Variants in BTBD9 observed in about 807,000 individuals in gnomAD.
BTBD9 encodes BTB domain containing 9, also known as BTB/POZ domain-containing protein 9.
A neutral mutation model predicts 64.3 loss-of-function variants in BTBD9; 49 were observed. The observed-to-expected ratio is 0.76, with a 90% CI of 0.61 to 0.97. The LOEUF (loss-of-function observed/expected upper bound fraction) is 0.97, where lower values mean the gene tolerates loss of function less well. BTBD9 is among the 50% of genes least tolerant of loss of function. BTBD9 has a pLI of 0.00. For missense variants in BTBD9, 598 were observed against 762.1 expected (o/e 0.78, Z 2.53); for synonymous variants, 260 against 274.7 (o/e 0.95, Z 0.53).
intron 8 of BTBD9, among the ~76,000 whole-genome samples, chr6:38,262,364 A>G (rs1764822396): frequency 6.6e-6 from 1 of 152,172 alleles, no homozygotes; most frequent in Non-Finnish European, 1.5e-5. Context: ...AAACCTCTCT[A>G]ACTAATGAGC....
chr6:38,299,814 T>G (rs1401266038), intron 7 of BTBD9, among the ~76,000 whole-genome samples: 2 of 152,232 alleles, frequency 1.3e-5, no homozygotes, highest in African/African-American at 2.4e-5. Flanking sequence ...GGTTGCCTGT[T>G]CACTCTGATG....
intron 6 of BTBD9, among the ~76,000 whole-genome samples, chr6:38,576,734 A>T (rs935397828): frequency 2.0e-5 from 3 of 152,038 alleles, no homozygotes; most frequent in Non-Finnish European, 2.9e-5. Context: ...CAAACTAATC[A>T]CTTTCTACCT....
intron 7 of BTBD9, among the ~76,000 whole-genome samples, chr6:38,315,377 T>C (rs191046913): frequency 1.8e-4 from 27 of 152,274 alleles, no homozygotes; most frequent in Non-Finnish European, 1.5e-4. Flanking sequence ...CATTAGGTTG[T>C]TTATTTGAAG....
In BTBD9 at chr6:38,288,272, C is replaced by T. The variant is rs781386764; in HGVS notation, c.1454G>A (p.Arg485Gln). Residue 485 changes from arginine (R) to glutamine (Q), a missense_variant and splice_region_variant, in exon 8 of 11, where the codon CGG becomes CAG. Coordinates refer to ENST00000481247, the MANE Select transcript of BTBD9 (RefSeq NM_001099272.2). The part of the protein sequence containing the change: ...LAQPYMIGSI[R>Q]LLLWDCDDRS... ...TATGAATGAGGAGGAATCTTCTTAC[C>T]GTATTGACCCAATCATGTACGGTTG... The T allele has an allele frequency of 2.5e-6, 4 of 1,606,394 alleles. No individual in the cohort carries two copies. The highest frequency in any genetic ancestry group is 3.4e-6 in the Non-Finnish European group (4 of 1,174,572).
At chr6:38,209,153 G>A (rs1010511943) in intron 9 of BTBD9, among the ~76,000 whole-genome samples, 27 of 152,126 alleles carry the variant, frequency 1.8e-4, no homozygotes, top group African/African-American at 3.9e-4. Flanking sequence ...AGCTGGAGAT[G>A]AGGAGAGCTT....
chr6:38,464,129 G>A (rs1403662042), intron 6 of BTBD9, among the ~76,000 whole-genome samples: 1 of 152,160 alleles, frequency 6.6e-6, no homozygotes. Context: ...ACACACAGAG[G>A]AGTGACCATG....
chr6:38,187,007 T>C (rs1561847033), intron 10 of BTBD9, among the ~76,000 whole-genome samples: 1 of 152,218 alleles, frequency 6.6e-6, no homozygotes, highest in Non-Finnish European at 1.5e-5. Context: ...CTGATTTTCA[T>C]GGGTGCACAG....
chr6:38,370,649 A>T (rs1379446043), intron 6 of BTBD9, among the ~76,000 whole-genome samples: 1 of 144,004 alleles, frequency 6.9e-6, no homozygotes, highest in Non-Finnish European at 1.5e-5. Flanking sequence ...CATCAGATTC[A>T]ACCTTGTAAG....
intron 7 of BTBD9, among the ~76,000 whole-genome samples, chr6:38,293,830 T>G (rs1762056388): frequency 6.6e-6 from 1 of 152,142 alleles, no homozygotes; most frequent in Admixed American, 6.5e-5. Flanking sequence ...GGGATCTAAT[T>G]GAACTAAAGA....
At chr6:38,605,807 G>C (rs1777413285) in intron 1 of BTBD9, among the ~76,000 whole-genome samples, 1 of 152,194 alleles carries the variant, frequency 6.6e-6, no homozygotes, top group Non-Finnish European at 1.5e-5. Flanking sequence ...GACAGAGCAA[G>C]ACCCTGTGTG....
At chr6:38,517,473 G>T (rs1290141593) in intron 6 of BTBD9, among the ~76,000 whole-genome samples, 2 of 151,922 alleles carry the variant, frequency 1.3e-5, no homozygotes, top group Admixed American at 1.3e-4. Flanking sequence ...CCTTCTCTTA[G>T]TTGGTGCCCC....
Position 38,170,828 on chromosome 6 carries a change from T to TG in BTBD9, c.*4156dup, listed in dbSNP as rs1766724538. On this transcript the variant is annotated 3_prime_UTR_variant, in exon 11 of 11. Transcript: ENST00000481247. ...CAATGGCTGCAGCTGCCAAAACAAA[T>TG]GGAGTATGCCCACCTCTGCCACGGC... is the stretch of plus-strand genomic sequence containing the variant. 3.3e-5 allele frequency: 5 copies of TG among 152,216 alleles called. No individual in the cohort carries two copies. Among genetic ancestry groups the TG allele is most frequent in the Admixed American group, 2.6e-4 (4 of 15,280 alleles). 9.4% of individuals were successfully genotyped at this position (152,216 alleles called of 1,614,324 possible). A position where few individuals can be genotyped will look rare whatever the true frequency, so the allele number is the denominator to read the frequency against.
At chr6:38,447,461 T>C (rs1298056900) in intron 6 of BTBD9, among the ~76,000 whole-genome samples, 2 of 152,220 alleles carry the variant, frequency 1.3e-5, no homozygotes, top group South Asian at 2.1e-4. Context: ...ACTGAGTTCA[T>C]GTAAAGCGCA....
chr6:38,247,415 C>A (rs904603692), intron 9 of BTBD9, among the ~76,000 whole-genome samples: 25 of 152,322 alleles, frequency 1.6e-4, no homozygotes, highest in African/African-American at 2.9e-4. Flanking sequence ...CAATGCTTCT[C>A]GGATATGAAT....
At chr6:38,222,550 C>T (rs375420451) in intron 9 of BTBD9, among the ~76,000 whole-genome samples, 7 of 151,946 alleles carry the variant, frequency 4.6e-5, no homozygotes, top group African/African-American at 1.5e-4. Flanking sequence ...TGAACCACTG[C>T]GCCAGACCTT....
intron 6 of BTBD9, among the ~76,000 whole-genome samples, chr6:38,409,448 T>C (rs189129074): frequency 2.6e-5 from 4 of 152,350 alleles, no homozygotes; most frequent in Non-Finnish European, 4.4e-5. Context: ...TTATTTTTAA[T>C]CTATATTTCT....
intron 6 of BTBD9, among the ~76,000 whole-genome samples, chr6:38,465,707 T>TTATATATATATATATATA (rs1157324453): frequency 4.3e-5 from 2 of 46,862 alleles, no homozygotes; most frequent in Non-Finnish European, 7.9e-5. Context: ...AATAAATAAA[T>TTATATATATATATATATA]TATATATATA....
intron 10 of BTBD9, among the ~76,000 whole-genome samples, chr6:38,186,827 C>G (rs9470818): frequency 1.3e-5 from 2 of 152,000 alleles, no homozygotes; most frequent in African/African-American, 4.8e-5. Flanking sequence ...TTTCTGAATA[C>G]ATTGCAGAGA....
In BTBD9 at chr6:38,404,711, T is replaced by C. The variant is rs1003406898; in HGVS notation, c.1155-59618A>G. Among the ~76,000 whole-genome samples the C allele has an allele frequency of 2.6e-5, 4 of 152,178 alleles. No homozygotes were observed. In the South Asian group the frequency reaches 8.3e-4, roughly 32 times the overall value. On this transcript the variant is annotated intron_variant, in intron 6 of 10. Transcript: ENST00000481247. ...AAGCATTTCTAGTTGTTACTGCAGA[T>C]AAGGGATAAACTGATGTGTTTCATT...
Sources: allele counts gnomAD v4.1 joint callset (sites outside exome capture counted in the v4.1 genomes callset), GRCh38; gene constraint gnomAD v4.1.1; transcripts MANE v1.5; gene names NCBI Gene and HGNC (gene_info 2026-07-23, HGNC 2026-07-21).